The following UGGT1 variants were observed in gnomAD, a reference collection of about 807,000 sequenced individuals.
UGGT1 encodes the protein UDP-glucose glycoprotein glucosyltransferase 1, also known as UDP-glucose:glycoprotein glucosyltransferase 1.
In UGGT1, 107 loss-of-function variants were observed where a neutral mutation model predicts 203.9. The observed-to-expected ratio is 0.52, with a 90% confidence interval of 0.45 to 0.62. The LOEUF (loss-of-function observed/expected upper bound fraction) is 0.62. Among genes scored for constraint, UGGT1 ranks in the 20% least tolerant of loss-of-function variants. The pLI is 0.00. For synonymous variants in UGGT1, 628 were observed against 653.5 expected (o/e 0.96, Z 0.59); for missense variants, 1,673 against 1,867.2 (o/e 0.90, Z 1.92).
intron 14 of UGGT1, among the ~76,000 whole-genome samples, chr2:128,133,554 A>G (rs1198935317): frequency 6.6e-6 from 1 of 152,122 alleles, no homozygotes; most frequent in Non-Finnish European, 1.5e-5. Flanking sequence ...TAATTTTAAA[A>G]CATTTTTAAT....
Position 128,171,267 on chromosome 2 carries a change from T to C in UGGT1, c.3087T>C (p.Ser1029=). The change falls in exon 28 of 41, where the codon TCT becomes TCC. Residue 1029 remains serine, a synonymous_variant. Coordinates refer to ENST00000259253, the MANE Select transcript of UGGT1 (RefSeq NM_020120.4). ...RVFMNCQSKL[S]DMPLKSFYRY... is the part of the protein sequence containing the mutation. ...TTATGAACTGCCAATCCAAACTTTC[T>C]GACATGCCTTTAAAAAGGTAAAACA... 1.9e-6 allele frequency: 3 copies of C among 1,613,498 alleles called. No individual in the cohort carries two copies. Among genetic ancestry groups the C allele is most frequent in the Non-Finnish European group, 2.5e-6 (3 of 1,179,800 alleles).
chr2:128,122,491 G>C (rs1688427771), intron 10 of UGGT1, among the ~76,000 whole-genome samples: 1 of 151,210 alleles, frequency 6.6e-6, no homozygotes, highest in Non-Finnish European at 1.5e-5. Context: ...CCAAGATCAT[G>C]CCATTGCACT....
intron 15 of UGGT1, 26 bp downstream of exon 15, chr2:128,134,987 G>GT: frequency 6.4e-7 from 1 of 1,574,316 alleles, no homozygotes; most frequent in Non-Finnish European, 8.7e-7. Context: ...ATTTGATGAT[G>GT]TATCTAATTT....
chr2:128,170,489 C>T (rs1691039513), intron 27 of UGGT1, 99 bp downstream of exon 27: 2 of 962,592 alleles, frequency 2.1e-6, no homozygotes, highest in Admixed American at 2.0e-5. Context: ...TTGCCTTCAA[C>T]AGGCACTGGA....
chr2:128,113,191 T>C lies in UGGT1; in HGVS notation c.629T>C (p.Phe210Ser). 1 of 1,613,474 alleles carries C rather than the reference T, an allele frequency of 6.2e-7. No homozygotes were observed. The highest frequency in any genetic ancestry group is 1.1e-5 in the South Asian group (1 of 91,002). The change falls in exon 6 of 41, where the codon TTT (phenylalanine) becomes TCT (serine). Residue 210 changes from phenylalanine to serine, a missense_variant. Around this residue, in one of 4 missense-constraint regions of UGGT1, gnomAD observed 1,073 missense variants for 1,078.7 expected, o/e 0.99. Coordinates refer to ENST00000259253, the MANE Select transcript of UGGT1 (RefSeq NM_020120.4). ...SEIGSEEFSN[F>S]HRQLISKSNA... ...ATTGGCTCTGAGGAATTTTCCAATT[T>C]TCACCGCCAGCTTATATCAAAAAGC... is the stretch of plus-strand genomic sequence containing the variant.
In UGGT1 at chr2:128,115,068, C is replaced by T. The variant is rs745857841; in HGVS notation, c.697-56C>T. ...AACATTAACATGGTCATGCCATGTA[C>T]ACTGTGACATAGAAAGAGCTAGGTG... is the stretch of plus-strand genomic sequence containing the variant. On this transcript the variant is annotated intron_variant, in intron 6 of 40. Coordinates refer to ENST00000259253, the MANE Select transcript of UGGT1 (RefSeq NM_020120.4). 4 of 1,501,226 alleles carry T rather than the reference C, an allele frequency of 2.7e-6. No individual in the cohort carries two copies. The South Asian group carries it at 4.5e-5, about 17-fold the overall frequency. The allele number at this position is 1,501,226 out of a possible 1,614,324, so 93.0% of individuals were successfully genotyped here.
chr2:128,176,655 AC>A (rs999889022), intron 31 of UGGT1, among the ~76,000 whole-genome samples, 158 bp from the exon 32 acceptor site: 1 of 152,188 alleles, frequency 6.6e-6, no homozygotes, highest in African/African-American at 2.4e-5. Flanking sequence ...AGGTTTCAAC[AC>A]GTGCTTCTGT....
intron 8 of UGGT1, among the ~76,000 whole-genome samples, chr2:128,119,946 T>C (rs1420926163): frequency 1.3e-5 from 2 of 151,900 alleles, no homozygotes; most frequent in South Asian, 2.1e-4. Flanking sequence ...TTTCTTTTTT[T>C]CTTTTTTTTT....
chr2:128,137,778 C>T (rs1689201282), intron 15 of UGGT1, among the ~76,000 whole-genome samples: 1 of 152,200 alleles, frequency 6.6e-6, no homozygotes, highest in South Asian at 2.1e-4. Flanking sequence ...TCCAGTTGTT[C>T]AGCACCATTT....
chr2:128,107,938 G>C lies in UGGT1; in HGVS notation c.278G>C (p.Gly93Ala), dbSNP rs565045862. The C allele has an allele frequency of 6.2e-7, 1 of 1,614,046 alleles. No individual in the cohort carries two copies. Among genetic ancestry groups the C allele is most frequent in the Non-Finnish European group, 8.5e-7 (1 of 1,179,976 alleles). The change falls in exon 4 of 41, where the codon GGT (glycine) becomes GCT (alanine). Residue 93 changes from glycine (G) to alanine (A), a missense_variant and splice_region_variant. Gly to Ala is a moderately conservative substitution (Grantham distance 60). This residue lies in a region of UGGT1 where 1,073 missense variants were observed against 1,078.7 expected (regional missense o/e 0.99). Coordinates refer to ENST00000259253, the MANE Select transcript of UGGT1 (RefSeq NM_020120.4). ...SQNIGSSDHD[G>A]TDYSYYHAIL... is the part of the protein sequence containing the mutation. ...TTTGGTTAATGTTCTTCCTTGACAG[G>C]TACCGATTATTCCTACTATCATGCA...
Position 128,134,928 on chromosome 2 carries a change from C to G in UGGT1, c.1550C>G (p.Ala517Gly). The G allele has an allele frequency of 6.2e-7, 1 of 1,613,936 alleles. No individual in the cohort carries two copies. Among genetic ancestry groups the G allele is most frequent in the Non-Finnish European group, 8.5e-7 (1 of 1,179,950 alleles). Residue 517 changes from alanine (A) to glycine (G), a missense_variant, in exon 15 of 41, where the codon GCT becomes GGT. This residue lies in a region of UGGT1 where 1,073 missense variants were observed against 1,078.7 expected (regional missense o/e 0.99). Transcript: ENST00000259253. ...ACCACAGCAGAGTTGATGAACACAG[C>G]TGAGATGTTCCTTAGTAATCATATA... ...HETTAELMNT[A>G]EMFLSNHIPL...
In UGGT1 at chr2:128,145,224, C is replaced by T. The variant is rs116867840; in HGVS notation, c.1852-579C>T. On this transcript the variant is annotated intron_variant, in intron 17 of 40. Transcript: ENST00000259253. ...TTTACCTCAGGCTTTTTGCATAGAG[C>T]GCTTATAATTTATGGTAGCAAAACC... Among the ~76,000 whole-genome samples, 5 of 152,176 alleles carry T rather than the reference C, an allele frequency of 3.3e-5. No individual in the cohort carries two copies. In the East Asian group the frequency reaches 7.7e-4, roughly 23 times the overall value.
intron 2 of UGGT1, among the ~76,000 whole-genome samples, chr2:128,100,468 G>C (rs1470567429): frequency 6.6e-6 from 1 of 151,786 alleles, no homozygotes. Flanking sequence ...GTGCAATGGC[G>C]TGATCTCGGC....
At chr2:128,128,177 T>G (rs1573538410) in intron 12 of UGGT1, among the ~76,000 whole-genome samples, 1 of 152,228 alleles carries the variant, frequency 6.6e-6, no homozygotes, top group Admixed American at 6.5e-5. Flanking sequence ...GGTTCAGTAT[T>G]AAATTGCATT....
At chr2:128,170,419 C>T (rs756778987) in intron 27 of UGGT1, 29 bp downstream of exon 27, 2 of 1,594,000 alleles carry the variant, frequency 1.3e-6, no homozygotes, top group South Asian at 2.2e-5. Context: ...AAGTGTACAT[C>T]ACCTTTGTTT....
At position 128,159,433 on chromosome 2, in the gene UGGT1, T is replaced by C. The variant is rs551221567; in HGVS notation, c.2356-81T>C. ...TAAGAGAGATATTATTTGCTACTTA[T>C]TGAACATGACTGATGTTAATGCTGC... is the stretch of plus-strand genomic sequence containing the variant. On this transcript the variant is annotated intron_variant, in intron 22 of 40. Transcript: ENST00000259253. 44 of 1,277,356 alleles carry C rather than the reference T, an allele frequency of 3.4e-5. 1 individual carries two copies. The highest frequency in any genetic ancestry group is 7.2e-5 in the Admixed American group (4 of 55,510). The allele number at this position is 1,277,356 out of a possible 1,614,324, so 79.1% of individuals were successfully genotyped here.
rs1325395689 is a variant in UGGT1 at position 128,186,902 on chromosome 2, G to T, written c.4476+103G>T. The T allele has an allele frequency of 9.1e-6, 8 of 881,306 alleles. No homozygotes were observed. The East Asian group carries it at 1.0e-4, about 11-fold the overall frequency. 54.6% of individuals were successfully genotyped at this position (881,306 alleles called of 1,614,324 possible). On this transcript the variant is annotated intron_variant, in intron 39 of 40. Coordinates refer to ENST00000259253, the MANE Select transcript of UGGT1 (RefSeq NM_020120.4). ...GATTCTTAAATTTAAGAATTTCCTA[G>T]ATTCTTATTTAGACTTTCTCTGTAA...
intron 38 of UGGT1, among the ~76,000 whole-genome samples, chr2:128,185,469 C>CTTTT (rs766681891): frequency 8.8e-6 from 1 of 113,394 alleles, no homozygotes; most frequent in Non-Finnish European, 1.7e-5. Context: ...CGTGCCCGGC[C>CTTTT]TTTTTTTTTT....
intron 8 of UGGT1, among the ~76,000 whole-genome samples, chr2:128,117,174 C>G (rs943487867): frequency 1.3e-5 from 2 of 152,082 alleles, no homozygotes; most frequent in Non-Finnish European, 2.9e-5. Context: ...ACTGCAACCT[C>G]CGTCTCCTGG....
Sources: allele counts gnomAD v4.1 joint callset (sites outside exome capture counted in the v4.1 genomes callset), GRCh38; gene constraint gnomAD v4.1.1; regional missense constraint gnomAD v4.1.1; transcripts MANE v1.5; gene names NCBI Gene and HGNC (gene_info 2026-07-23, HGNC 2026-07-21).